The following TBC1D2B variants were observed in gnomAD, a reference collection of about 807,000 sequenced individuals.
TBC1D2B encodes TBC1 domain family member 2B, also known as TBC1 domain family, member 2B.
TBC1D2B carries 64 observed loss-of-function variants against 100.8 expected under a neutral mutation model. That is an observed-to-expected ratio of 0.64 (90% CI 0.52 to 0.78). TBC1D2B has a LOEUF of 0.78. Among genes scored for constraint, TBC1D2B ranks in the 30% least tolerant of loss-of-function variants. The pLI is 0.00. For synonymous variants in TBC1D2B, 480 were observed against 479.7 expected, an observed-to-expected ratio of 1.00 and a Z score of -0.01; for missense variants, 1,052 against 1,218.4, an observed-to-expected ratio of 0.86 and a Z score of 2.03.
intron 3 of TBC1D2B, among the ~76,000 whole-genome samples, chr15:78,041,884 G>C (rs2073100354): frequency 6.6e-6 from 1 of 152,180 alleles, no homozygotes; most frequent in African/African-American, 2.4e-5. Flanking sequence ...ACTGTTCTAA[G>C]CAGTTTACAC....
At chr15:78,057,210 CA>C (rs1174747685) in intron 1 of TBC1D2B, among the ~76,000 whole-genome samples, 1 of 151,996 alleles carries the variant, frequency 6.6e-6, no homozygotes, top group Non-Finnish European at 1.5e-5. Flanking sequence ...ATTCCTGAGG[CA>C]AAACTTTTAG....
chr15:78,044,024 TAAA>T (rs34859851), intron 3 of TBC1D2B, among the ~76,000 whole-genome samples: 1 of 136,816 alleles, frequency 7.3e-6, no homozygotes. Context: ...GACCTTATCT[TAAA>T]AAAAAAAAAA....
At position 77,997,611 on chromosome 15, in the gene TBC1D2B, A is replaced by G. The variant is rs1325231945; in HGVS notation, c.*549T>C. On this transcript the variant is annotated 3_prime_UTR_variant, in exon 13 of 13. Transcript: ENST00000300584. ...TTAAAGCCACTGGTGGGAGGTTCAC[A>G]GGCTTTCCTACAGTGGCCATTTCTG... The G allele has an allele frequency of 6.6e-6, 1 of 152,314 alleles. No homozygotes were observed. The highest frequency in any genetic ancestry group is 1.5e-5 in the Non-Finnish European group (1 of 68,082). The allele number at this position is 152,314 out of a possible 1,614,324, so 9.4% of individuals were successfully genotyped here.
Position 78,005,789 on chromosome 15 carries a change from A to T in TBC1D2B, c.2389-2299T>A, listed in dbSNP as rs1231546827. 3.3e-5 allele frequency among the ~76,000 whole-genome samples: 5 copies of T among 152,278 alleles called. No homozygotes were observed. The East Asian group carries it at 9.6e-4, about 29-fold the overall frequency. ...TCTTAACATCTTTCTATACTGCCTG[A>T]CTTCTGTTTAGTGATCATCTATTAC... On this transcript the variant is annotated intron_variant, in intron 10 of 12. Transcript: ENST00000300584.
chr15:78,003,763 T>C (rs2071983529), intron 10 of TBC1D2B, among the ~76,000 whole-genome samples: 1 of 152,188 alleles, frequency 6.6e-6, no homozygotes, highest in East Asian at 1.9e-4. Flanking sequence ...AACCAACTCC[T>C]GCACTCAAAA....
At chr15:78,035,945 C>T (rs1025942998) in intron 3 of TBC1D2B, among the ~76,000 whole-genome samples, 3 of 152,238 alleles carry the variant, frequency 2.0e-5, no homozygotes, top group African/African-American at 7.2e-5. Context: ...ACACTCTCCA[C>T]CACTGCTGAC....
At chr15:78,036,648 C>T (rs2072952448) in intron 3 of TBC1D2B, among the ~76,000 whole-genome samples, 1 of 152,164 alleles carries the variant, frequency 6.6e-6, no homozygotes, top group Non-Finnish European at 1.5e-5. Flanking sequence ...AGAAAGCAGT[C>T]CTGCCAACAC....
At chr15:78,043,426 G>T (rs1179478298) in intron 3 of TBC1D2B, among the ~76,000 whole-genome samples, 1 of 151,996 alleles carries the variant, frequency 6.6e-6, no homozygotes, top group African/African-American at 2.4e-5. Flanking sequence ...TTGAGACAGG[G>T]TTTCACCACG....
At chr15:78,050,686 T>C (rs974097285) in intron 2 of TBC1D2B, among the ~76,000 whole-genome samples, 25 of 152,220 alleles carry the variant, frequency 1.6e-4, no homozygotes, top group African/African-American at 2.9e-4. Context: ...ATTTGAGGCA[T>C]GGCATGCCTT....
At chr15:78,030,221 A>G in intron 3 of TBC1D2B, 51 bp from the exon 4 acceptor site, 1 of 1,520,876 alleles carries the variant, frequency 6.6e-7, no homozygotes, top group Non-Finnish European at 8.9e-7. Context: ...GTAAAACAAA[A>G]CGTAATCTCA....
rs181795357 is a variant in TBC1D2B, at chr15:78,055,102, T to A, written c.361-915A>T. On this transcript the variant is annotated intron_variant, in intron 1 of 12. Coordinates refer to ENST00000300584, the MANE Select transcript of TBC1D2B (RefSeq NM_144572.2). ...GTTATATACTGTATGATGCCACTTA[T>A]GTAACACCCTGAGAAGGCAAAATTG... Among the ~76,000 whole-genome samples, 9 of 152,266 alleles carry A rather than the reference T, an allele frequency of 5.9e-5. No homozygotes were observed. In the East Asian group the frequency reaches 1.7e-3, roughly 29 times the overall value.
At chr15:78,062,319 G>A (rs139632755) in intron 1 of TBC1D2B, among the ~76,000 whole-genome samples, 133 of 152,218 alleles carry the variant, frequency 8.7e-4, no homozygotes, top group East Asian at 1.9e-3. Flanking sequence ...AGACAATGAC[G>A]AACTGAAAAA....
chr15:78,011,863 T>C (rs550101350), intron 9 of TBC1D2B, among the ~76,000 whole-genome samples: 1 of 152,178 alleles, frequency 6.6e-6, no homozygotes, highest in South Asian at 2.1e-4. Context: ...GCCAGGCTGG[T>C]CTTGAACTCC....
chr15:78,023,265 G>A (rs1309564043), intron 6 of TBC1D2B, among the ~76,000 whole-genome samples: 2 of 152,224 alleles, frequency 1.3e-5, no homozygotes, highest in Non-Finnish European at 2.9e-5. Flanking sequence ...GGGGCTAGGT[G>A]AGACCAGTAG....
chr15:78,005,826 G>A (rs760876484), intron 10 of TBC1D2B, among the ~76,000 whole-genome samples: 7 of 152,122 alleles, frequency 4.6e-5, no homozygotes, highest in Non-Finnish European at 1.0e-4. Context: ...TGTATAGTCA[G>A]GGGGGAAAAA....
At chr15:78,055,839 C>T (rs1303771458) in intron 1 of TBC1D2B, among the ~76,000 whole-genome samples, 2 of 152,132 alleles carry the variant, frequency 1.3e-5, no homozygotes, top group Non-Finnish European at 2.9e-5. Context: ...GTGAGAAAGA[C>T]AGGAAAAAAC....
rs908066577 is a variant in TBC1D2B, at chr15:77,996,778, G to A, written c.*1382C>T. 6.6e-6 allele frequency: 1 copy of A among 152,222 alleles called. No individual in the cohort carries two copies. The highest frequency in any genetic ancestry group is 1.5e-5 in the Non-Finnish European group (1 of 68,042). 9.4% of individuals were successfully genotyped at this position (152,222 alleles called of 1,614,324 possible). On this transcript the variant is annotated 3_prime_UTR_variant, in exon 13 of 13. Transcript: ENST00000300584. ...TAGTCTCAGTGTGTTCACAACAAAG[G>A]ATGATTTCCAGTTTTTTTCGGGTAA...
Position 77,998,314 on chromosome 15 carries a change from G to T in TBC1D2B, c.2738C>A (p.Pro913His), listed in dbSNP as rs1293591523. The T allele has an allele frequency of 6.9e-6, 11 of 1,601,080 alleles. No homozygotes were observed. The highest frequency in any genetic ancestry group is 1.3e-5 in the African/African-American group (1 of 74,682). Residue 913 changes from proline (P) to histidine (H), a missense_variant, in exon 13 of 13, where the codon CCC becomes CAC. By Grantham distance (77) the Pro-to-His change is moderately conservative. Around this residue, in one of 4 missense-constraint regions of TBC1D2B, gnomAD observed 47 missense variants for 88.3 expected, o/e 0.53. Transcript: ENST00000300584. Reference protein sequence around the residue: ...SISFGDLNPFPLRQIRNRRAY... With the variant: ...SISFGDLNPFHLRQIRNRRAY... Reference sequence around the variant, plus strand: ...GCGTCGGTTCCGGATCTGGCGTAGGGGGAAAGGGTTCAGGTCCCCAAAGGA... The same window carrying T: ...GCGTCGGTTCCGGATCTGGCGTAGGTGGAAAGGGTTCAGGTCCCCAAAGGA...
rs1442633289 is a variant in TBC1D2B, at chr15:77,995,645, CAG to C, written c.*2513_*2514del. The C allele has an allele frequency of 6.6e-6, 1 of 152,494 alleles. No individual in the cohort carries two copies. Among genetic ancestry groups the C allele is most frequent in the Admixed American group, 6.5e-5 (1 of 15,286 alleles). The allele number at this position is 152,494 out of a possible 1,614,324, so 9.4% of individuals were successfully genotyped here. A position where few individuals can be genotyped will look rare whatever the true frequency, so the allele number is the denominator to read the frequency against. The stretch of plus-strand genomic sequence containing the variant: ...TAGTGAGAGTGTACAAAAGTATTAA[CAG>C]AGGTTCAACCCATAAAAAACCCCAT... On this transcript the variant is annotated 3_prime_UTR_variant, in exon 13 of 13. Transcript: ENST00000300584.
Sources: allele counts gnomAD v4.1 joint callset (sites outside exome capture counted in the v4.1 genomes callset), GRCh38; gene constraint gnomAD v4.1.1; regional missense constraint gnomAD v4.1.1; transcripts MANE v1.5; gene names NCBI Gene and HGNC (gene_info 2026-07-23, HGNC 2026-07-21).